Variants in ZNF814 observed in about 807,000 individuals in gnomAD.
ZNF814 encodes the protein zinc finger protein 814.
In ZNF814, 5 loss-of-function variants were observed where a neutral mutation model predicts 7.5. The observed-to-expected ratio is 0.67, with a 90% confidence interval of 0.35 to 1.40. The LOEUF (loss-of-function observed/expected upper bound fraction) is 1.40, where lower values mean the gene tolerates loss of function less well. Among genes scored for constraint, ZNF814 ranks in the 40% most tolerant of loss-of-function variants. ZNF814 has a pLI of 0.04. For missense variants in ZNF814, 962 were observed against 1,018.0 expected (o/e 0.94, Z 0.75); for synonymous variants, 315 against 340.7 (o/e 0.92, Z 0.83).
At chr19:57,903,425 A>G in the ZNF814 span, among the ~76,000 whole-genome samples, 26 of 152,374 alleles carry the variant, frequency 1.7e-4, no homozygotes, top group African/African-American at 4.3e-4. Flanking sequence ...GGATTGCATC[A>G]TAAGTTTAGA....
In ZNF814 at chr19:57,871,452, A is replaced by AC. The variant is rs2071556455; in HGVS notation, c.*1369dup. Reference sequence around the variant, plus strand: ...TTTAGCTATGCCAACAAAAGCTGTGACCCCCTTCATAGTAACAGGACCTAC... The same window carrying AC: ...TTTAGCTATGCCAACAAAAGCTGTGACCCCCCTTCATAGTAACAGGACCTAC... On this transcript the variant is annotated 3_prime_UTR_variant, in exon 3 of 3. Coordinates refer to ENST00000435989, the MANE Select transcript of ZNF814 (RefSeq NM_001144989.2). 6.6e-6 allele frequency: 1 copy of AC among 152,140 alleles called. No individual in the cohort carries two copies. The highest frequency in any genetic ancestry group is 6.6e-5 in the Admixed American group (1 of 15,242). 9.4% of individuals were successfully genotyped at this position (152,140 alleles called of 1,614,324 possible). A position where few individuals can be genotyped will look rare whatever the true frequency, so the allele number is the denominator to read the frequency against.
chr19:57,892,325 T>C (rs2071738583), upstream of ZNF814, among the ~76,000 whole-genome samples: 1 of 152,192 alleles, frequency 6.6e-6, no homozygotes, highest in Admixed American at 6.5e-5. Context: ...GTGGGGTGCA[T>C]ATACCCAGAT....
the ZNF814 span, among the ~76,000 whole-genome samples, chr19:57,901,121 C>G: frequency 2.6e-5 from 4 of 151,342 alleles, no homozygotes; most frequent in East Asian, 2.0e-4. Context: ...CAGGCGTGAG[C>G]CACCGCGCCC....
chr19:57,896,498 T>C, the ZNF814 span, among the ~76,000 whole-genome samples: 6 of 152,204 alleles, frequency 3.9e-5, no homozygotes, highest in Non-Finnish European at 1.5e-5. This position sits in a 1 kb window ranked among gnomAD's most constrained non-coding sequence, Gnocchi z 4.2. Flanking sequence ...GAAAATGAAT[T>C]AGCTGTAAAA....
chr19:57,884,707 C>T (rs1270708669), intron 1 of ZNF814, among the ~76,000 whole-genome samples: 5 of 152,170 alleles, frequency 3.3e-5, no homozygotes. Flanking sequence ...GAATGCACAT[C>T]ATCTCACCCC....
intron 1 of ZNF814, among the ~76,000 whole-genome samples, chr19:57,879,047 A>T (rs1488484492): frequency 2.0e-5 from 3 of 151,966 alleles, no homozygotes; most frequent in African/African-American, 7.3e-5. Flanking sequence ...CCAGGTGGCA[A>T]ATCACACTGG....
the ZNF814 span, chr19:57,900,351 C>G: frequency 6.6e-6 from 1 of 152,068 alleles, no homozygotes; most frequent in Non-Finnish European, 1.5e-5. Flanking sequence ...AAAGACATTC[C>G]CCTTTCTATA....
In ZNF814 at chr19:57,871,335, G is replaced by A. The variant is rs887527127; in HGVS notation, c.*1487C>T. 1 of 152,190 alleles carries A rather than the reference G, an allele frequency of 6.6e-6. No homozygotes were observed. The highest frequency in any genetic ancestry group is 1.5e-5 in the Non-Finnish European group (1 of 68,046). 9.4% of individuals were successfully genotyped at this position (152,190 alleles called of 1,614,324 possible). ...AGATAAAGACCACAAAGCCCTGAAG[G>A]TCTTCTCTGGAGGCCTCTGGCAGCT... On this transcript the variant is annotated 3_prime_UTR_variant, in exon 3 of 3. Transcript: ENST00000435989.
At position 57,874,714 on chromosome 19, in the gene ZNF814, T is replaced by C; in HGVS notation, c.676A>G (p.Lys226Glu). The change falls in exon 3 of 3, where the codon AAA becomes GAA. Residue 226 changes from lysine (K) to glutamate (E), a missense_variant. Lys to Glu is a moderately conservative substitution (Grantham distance 56). This residue lies in a region of ZNF814 where 126 missense variants were observed against 123.5 expected (regional missense o/e 1.02). Transcript: ENST00000435989. Reference protein sequence around the residue: ...CGESMKHFSTKHILSQHQRLL... With the variant: ...CGESMKHFSTEHILSQHQRLL... The stretch of plus-strand genomic sequence containing the variant: ...CTCTGGTGCTGACTGAGTATATGTT[T>C]GGTGCTAAAATGTTTCATGGATTCT... 6.3e-7 allele frequency: 1 copy of C among 1,592,664 alleles called. No individual in the cohort carries two copies. Among genetic ancestry groups the C allele is most frequent in the Non-Finnish European group, 8.6e-7 (1 of 1,168,514 alleles).
intron 1 of ZNF814, among the ~76,000 whole-genome samples, chr19:57,885,332 AAAG>A (rs1329205493): frequency 8.7e-5 from 13 of 150,138 alleles, no homozygotes; most frequent in African/African-American, 3.2e-4. Flanking sequence ...AAAAAAAAAA[AAAG>A]AAAAGAAAAT....
At chr19:57,892,606 G>T (rs1181093867), upstream of ZNF814, among the ~76,000 whole-genome samples, 2 of 152,210 alleles carry the variant, frequency 1.3e-5, no homozygotes, top group African/African-American at 2.4e-5. Context: ...GACAGGACTA[G>T]GAATGTACAG....
At chr19:57,878,984 G>A (rs1400903350) in intron 1 of ZNF814, among the ~76,000 whole-genome samples, 1 of 152,102 alleles carries the variant, frequency 6.6e-6, no homozygotes, top group East Asian at 1.9e-4. Context: ...GAGTTAAATG[G>A]GAAAGAAACT....
Position 57,872,650 on chromosome 19 carries a change from C to T in ZNF814, c.*172G>A. ...AGCAAAGGATTTCCCACATTCACTGCACTCATAAGGTGGTGTGACCAGTGT... is the reference window on the plus strand; with the variant it reads ...AGCAAAGGATTTCCCACATTCACTGTACTCATAAGGTGGTGTGACCAGTGT... On this transcript the variant is annotated 3_prime_UTR_variant, in exon 3 of 3. Coordinates refer to ENST00000435989, the MANE Select transcript of ZNF814 (RefSeq NM_001144989.2). The T allele has an allele frequency of 1.3e-6, 2 of 1,501,040 alleles. No individual in the cohort carries two copies. Among genetic ancestry groups the T allele is most frequent in the South Asian group, 1.2e-5 (1 of 82,242 alleles). The allele number at this position is 1,501,040 out of a possible 1,614,324, so 93.0% of individuals were successfully genotyped here.
intron 1 of ZNF814, among the ~76,000 whole-genome samples, chr19:57,878,841 A>C (rs563737023): frequency 6.6e-6 from 1 of 152,188 alleles, no homozygotes; most frequent in Non-Finnish European, 1.5e-5. Flanking sequence ...CCAAAGTGTA[A>C]GGACTGCTTG....
At chr19:57,885,981 A>AAC (rs1555777996) in intron 1 of ZNF814, 5 of 151,372 alleles carry the variant, frequency 3.3e-5, no homozygotes, top group Non-Finnish European at 7.4e-5. Context: ...TTCTCAAAAA[A>AAC]AAAAAAACAA....
the ZNF814 span, among the ~76,000 whole-genome samples, chr19:57,900,915 C>T: frequency 2.4e-5 from 3 of 124,942 alleles, no homozygotes; most frequent in Non-Finnish European, 1.6e-5. Context: ...TGACCAATCT[C>T]GGTTCACTGC....
At chr19:57,893,515 A>G (rs1223573743), upstream of ZNF814, among the ~76,000 whole-genome samples, 1 of 151,336 alleles carries the variant, frequency 6.6e-6, no homozygotes, top group Non-Finnish European at 1.5e-5. Context: ...GGTGGCTCAC[A>G]CCTGTAATCC....
At chr19:57,899,389 GC>G in the ZNF814 span, among the ~76,000 whole-genome samples, 1 of 152,168 alleles carries the variant, frequency 6.6e-6, no homozygotes, top group Admixed American at 6.5e-5. Flanking sequence ...ACTAATCATA[GC>G]CCCCCATAAA....
chr19:57,877,103 T>A (rs1442329595), intron 1 of ZNF814, 61 bp from the exon 2 acceptor site: 134 of 1,597,878 alleles, frequency 8.4e-5, no homozygotes, highest in Non-Finnish European at 5.5e-5. Flanking sequence ...TCACAATCCA[T>A]CTCTCCCACA....
Sources: allele counts gnomAD v4.1 joint callset (sites outside exome capture counted in the v4.1 genomes callset), GRCh38; gene constraint gnomAD v4.1.1; regional missense constraint gnomAD v4.1.1; non-coding constraint Gnocchi (gnomAD v3.1); transcripts MANE v1.5; gene names NCBI Gene and HGNC (gene_info 2026-07-23, HGNC 2026-07-21).